Variants in TULP4 observed in about 807,000 individuals in gnomAD.
TULP4 encodes the protein TUB like protein 4, also known as tubby-related protein 4.
Under a neutral mutation model 129.0 loss-of-function variants are expected in TULP4, and 16 were observed. The ratio of observed to expected loss-of-function variants is 0.12; its 90% CI spans 0.08 to 0.19. The LOEUF is 0.19. Ranked by LOEUF, TULP4 falls within the 10% of genes least tolerant of loss-of-function variation. TULP4 has a pLI of 1.00. For synonymous variants in TULP4, 998 were observed against 854.0 expected (o/e 1.17, Z -2.94); for missense variants, 1,842 against 2,059.1 (o/e 0.89, Z 2.04).
intron 1 of TULP4, among the ~76,000 whole-genome samples, chr6:158,401,914 TAAAC>T (rs1777860807): frequency 6.6e-6 from 1 of 152,170 alleles, no homozygotes; most frequent in African/African-American, 2.4e-5. Flanking sequence ...GGTTGAAAAT[TAAAC>T]AGTCAAAACC....
chr6:158,349,992 GA>G (rs1229462517), intron 1 of TULP4, among the ~76,000 whole-genome samples: 2 of 149,732 alleles, frequency 1.3e-5, no homozygotes, highest in Non-Finnish European at 3.0e-5. Flanking sequence ...CGGCCGGGCA[GA>G]GGCGCTCCTC....
In TULP4 at chr6:158,461,603, A is replaced by G. The variant is rs1254427598; in HGVS notation, c.900A>G (p.Ala300=). ...GGTGCACACAGGGGGACTTGCTGGC[A>G]GTCGCTGGGATGGAACGGCAGACCC... The part of the protein sequence containing the change: ...AQWCTQGDLL[A]VAGMERQTQL... The change falls in exon 6 of 14, where the codon GCA becomes GCG. Residue 300 remains alanine, a synonymous_variant. Coordinates refer to ENST00000367097, the MANE Select transcript of TULP4 (RefSeq NM_020245.5). 6.2e-7 allele frequency: 1 copy of G among 1,613,992 alleles called. No homozygotes were observed. Among genetic ancestry groups the G allele is most frequent in the Admixed American group, 1.7e-5 (1 of 59,996 alleles).
At chr6:158,353,617 T>C (rs1316090017) in intron 1 of TULP4, among the ~76,000 whole-genome samples, 1 of 152,274 alleles carries the variant, frequency 6.6e-6, no homozygotes, top group African/African-American at 2.4e-5. Context: ...AGTCTACAAG[T>C]TTACAGCTTC....
At chr6:158,477,759 G>C (rs1388583126) in intron 6 of TULP4, among the ~76,000 whole-genome samples, 1 of 152,030 alleles carries the variant, frequency 6.6e-6, no homozygotes, top group Non-Finnish European at 1.5e-5. Flanking sequence ...CCATTACTGG[G>C]TATATACCCA....
intron 1 of TULP4, among the ~76,000 whole-genome samples, chr6:158,367,608 A>AT (rs913137202): frequency 3.9e-5 from 6 of 152,186 alleles, no homozygotes; most frequent in African/African-American, 2.4e-5. Flanking sequence ...TTCATGGTTA[A>AT]TTTTTTTAAA....
intron 3 of TULP4, among the ~76,000 whole-genome samples, chr6:158,442,600 G>T (rs1354733144): frequency 6.6e-6 from 1 of 152,122 alleles, no homozygotes; most frequent in Non-Finnish European, 1.5e-5. Context: ...ACTTCAAAGA[G>T]CCGATATAGG....
At chr6:158,350,733 GA>G (rs1780496093) in intron 1 of TULP4, among the ~76,000 whole-genome samples, 1 of 151,390 alleles carries the variant, frequency 6.6e-6, no homozygotes, top group South Asian at 2.1e-4. Flanking sequence ...AAGAAAGGAA[GA>G]GGGGAGAGGG....
intron 1 of TULP4, among the ~76,000 whole-genome samples, chr6:158,284,474 G>C (rs1252138459): frequency 6.6e-6 from 1 of 152,212 alleles, no homozygotes; most frequent in East Asian, 1.9e-4. Flanking sequence ...ATATGCTGAC[G>C]ATAGAAACAT....
chr6:158,428,975 T>C (rs1778566613), intron 2 of TULP4, among the ~76,000 whole-genome samples: 1 of 152,222 alleles, frequency 6.6e-6, no homozygotes, highest in Non-Finnish European at 1.5e-5. Context: ...TCAGTTTCAA[T>C]CATTTTTCTT....
chr6:158,474,494 C>T lies in TULP4; in HGVS notation c.1027-5257C>T, dbSNP rs562846165. ...TAATATAGTGAGGAAGCTTTCAATT[C>T]CAATTAAATAGATTTCTCCTCTCAG... On this transcript the variant is annotated intron_variant, in intron 6 of 13. Coordinates refer to ENST00000367097, the MANE Select transcript of TULP4 (RefSeq NM_020245.5). 1.5e-3 allele frequency among the ~76,000 whole-genome samples: 227 copies of T among 152,284 alleles called. 1 individual carries two copies. Among genetic ancestry groups the T allele is most frequent in the African/African-American group, 5.3e-3 (220 of 41,566 alleles).
chr6:158,472,611 T>C (rs557103273), intron 6 of TULP4, among the ~76,000 whole-genome samples: 1 of 152,322 alleles, frequency 6.6e-6, no homozygotes, highest in Non-Finnish European at 1.5e-5. Flanking sequence ...GCAGGGACAT[T>C]TTTATAGCAG....
intron 1 of TULP4, among the ~76,000 whole-genome samples, chr6:158,254,206 G>C (rs1021489041): frequency 6.6e-6 from 1 of 152,102 alleles, no homozygotes; most frequent in Non-Finnish European, 1.5e-5. Flanking sequence ...GCAATGGCAT[G>C]ATCTCGGCTC....
chr6:158,411,263 T>C (rs1407442304), intron 1 of TULP4, among the ~76,000 whole-genome samples: 1 of 152,220 alleles, frequency 6.6e-6, no homozygotes, highest in East Asian at 1.9e-4. Context: ...AATTGCTGTG[T>C]GTCAGTATTC....
At chr6:158,251,552 A>G (rs765083873) in intron 1 of TULP4, among the ~76,000 whole-genome samples, 1 of 152,246 alleles carries the variant, frequency 6.6e-6, no homozygotes, top group Non-Finnish European at 1.5e-5. Context: ...CACAGAAACA[A>G]CAATCAAAAA....
At chr6:158,308,878 T>TG (rs1197284646), upstream of TULP4, among the ~76,000 whole-genome samples, 6 of 53,686 alleles carry the variant, frequency 1.1e-4, no homozygotes, top group African/African-American at 2.1e-4. Context: ...GCTGGCCGGG[T>TG]GGGGGGCTGA....
chr6:158,324,742 G>C (rs1245297086), intron 1 of TULP4, among the ~76,000 whole-genome samples: 1 of 152,160 alleles, frequency 6.6e-6, no homozygotes, highest in Non-Finnish European at 1.5e-5. Context: ...TATCCTTGCT[G>C]TACAGTTGGG....
Position 158,384,532 on chromosome 6 carries a change from C to T in TULP4, c.253-28533C>T, listed in dbSNP as rs571701708. Among the ~76,000 whole-genome samples, 63 of 152,314 alleles carry T rather than the reference C, an allele frequency of 4.1e-4. 1 individual carries two copies. Among genetic ancestry groups the T allele is most frequent in the Middle Eastern group, 3.4e-3 (1 of 294 alleles). On this transcript the variant is annotated intron_variant, in intron 1 of 13. Transcript: ENST00000367097. ...CTTGATCTCCTGACCTCATGATCCA[C>T]CCTCCTCAGCCTCCCAAAGTGCTAG...
chr6:158,317,181 T>C (rs951507806), intron 1 of TULP4, among the ~76,000 whole-genome samples: 1 of 37,668 alleles, frequency 2.7e-5, no homozygotes, highest in Non-Finnish European at 7.6e-5. Context: ...ATTTTTACTT[T>C]TTTGGTTTTT....
At chr6:158,420,472 T>C (rs1343726634) in intron 2 of TULP4, among the ~76,000 whole-genome samples, 1 of 152,196 alleles carries the variant, frequency 6.6e-6, no homozygotes, top group Non-Finnish European at 1.5e-5. Flanking sequence ...AAGAGATCCC[T>C]GTCTGTTTTT....
Sources: allele counts gnomAD v4.1 joint callset (sites outside exome capture counted in the v4.1 genomes callset), GRCh38; gene constraint gnomAD v4.1.1; transcripts MANE v1.5; gene names NCBI Gene and HGNC (gene_info 2026-07-23, HGNC 2026-07-21).